TTLL9: variants seen among roughly 807,000 people sequenced by gnomAD.
TTLL9 encodes tubulin tyrosine ligase like 9, also known as probable tubulin polyglutamylase TTLL9.
A neutral mutation model predicts 65.6 loss-of-function variants in TTLL9; 47 were observed. That is an observed-to-expected ratio of 0.72 (90% CI 0.57 to 0.91). The LOEUF (loss-of-function observed/expected upper bound fraction) is 0.91, where lower values mean the gene tolerates loss of function less well. Ranked by LOEUF, TTLL9 falls within the 40% of genes least tolerant of loss-of-function variation. The pLI, the probability that TTLL9 is intolerant of heterozygous loss-of-function variation, is 0.00. For synonymous variants in TTLL9, 179 were observed against 204.8 expected (o/e 0.87, Z 1.07); for missense variants, 537 against 568.8 (o/e 0.94, Z 0.57).
At chr20:31,886,678 G>A (rs1275413842) in intron 2 of TTLL9, among the ~76,000 whole-genome samples, 1 of 152,168 alleles carries the variant, frequency 6.6e-6, no homozygotes, top group Non-Finnish European at 1.5e-5. Context: ...AATTGGCTGG[G>A]TGTGGTGGTG....
intron 2 of TTLL9, among the ~76,000 whole-genome samples, chr20:31,881,777 A>T (rs1281000335): frequency 6.6e-6 from 1 of 152,038 alleles, no homozygotes; most frequent in African/African-American, 2.4e-5. Flanking sequence ...ACAAACATCT[A>T]CTGAAATAGT....
chr20:31,920,291 C>T (rs1486775078), intron 7 of TTLL9, among the ~76,000 whole-genome samples: 1 of 152,106 alleles, frequency 6.6e-6, no homozygotes, highest in African/African-American at 2.4e-5. Context: ...GTGCCTGGCA[C>T]TCAGCGCTCG....
intron 4 of TTLL9, among the ~76,000 whole-genome samples, chr20:31,908,295 C>G (rs895341495): frequency 3.3e-5 from 5 of 152,180 alleles, no homozygotes; most frequent in Admixed American, 2.0e-4. Flanking sequence ...CGTGCCCTGT[C>G]TGAAGGGGTG....
rs1054834502 is a variant in TTLL9 at position 31,888,623 on chromosome 20, C to T, written c.113+1384C>T. Among the ~76,000 whole-genome samples the T allele has an allele frequency of 5.3e-5, 8 of 152,204 alleles. No individual in the cohort carries two copies. The East Asian group carries it at 1.5e-3, about 29-fold the overall frequency. On this transcript the variant is annotated intron_variant, in intron 3 of 14. Coordinates refer to ENST00000535842, the MANE Select transcript of TTLL9 (RefSeq NM_001008409.5). ...AGTAGCTGAAATTACAGGTGCCCGC[C>T]ACCACGCCTGGCTAATTGAGACTGA...
chr20:31,879,849 G>A lies in TTLL9; in HGVS notation c.70-7347G>A, dbSNP rs1182088542. Reference sequence around the variant, plus strand: ...CGCATAAGCACGCGAGGCGCGCGGTGGCGGTTTGGATCTGGCCCCTGGGGA... The same window carrying A: ...CGCATAAGCACGCGAGGCGCGCGGTAGCGGTTTGGATCTGGCCCCTGGGGA... On this transcript the variant is annotated intron_variant, in intron 2 of 14. Transcript: ENST00000535842. 1.9e-6 allele frequency: 3 copies of A among 1,550,168 alleles called. No individual in the cohort carries two copies. The South Asian group carries it at 3.6e-5, about 18-fold the overall frequency.
chr20:31,924,782 G>T (rs1317041556), intron 8 of TTLL9, among the ~76,000 whole-genome samples: 1 of 151,950 alleles, frequency 6.6e-6, no homozygotes, highest in Non-Finnish European at 1.5e-5. Flanking sequence ...TCACTATGTT[G>T]CTCAGGCTGG....
intron 7 of TTLL9, among the ~76,000 whole-genome samples, chr20:31,921,408 AGT>A (rs1253942965): frequency 6.6e-5 from 10 of 152,244 alleles, no homozygotes; most frequent in Non-Finnish European, 1.2e-4. Context: ...TGTGGAAGAC[AGT>A]GTGGTGATTC....
intron 4 of TTLL9, among the ~76,000 whole-genome samples, chr20:31,906,908 C>A (rs943265451): frequency 2.0e-5 from 3 of 152,164 alleles, no homozygotes; most frequent in African/African-American, 7.2e-5. Flanking sequence ...CCTTGGCCTC[C>A]CAAAATACTG....
Position 31,943,655 on chromosome 20 carries a change from G to C in TTLL9, c.*634G>C, listed in dbSNP as rs533076633. On this transcript the variant is annotated 3_prime_UTR_variant, in exon 15 of 15. Coordinates refer to ENST00000535842, the MANE Select transcript of TTLL9 (RefSeq NM_001008409.5). ...ATCATCTGAAAACCAGTGGGACAGG[G>C]CATCCCCATTTCTCAGATGGACAAG... The C allele has an allele frequency of 2.2e-6, 1 of 449,396 alleles. No individual in the cohort carries two copies. Among genetic ancestry groups the C allele is most frequent in the Non-Finnish European group, 4.5e-6 (1 of 222,036 alleles). 27.8% of individuals were successfully genotyped at this position (449,396 alleles called of 1,614,324 possible). A position where few individuals can be genotyped will look rare whatever the true frequency, so the allele number is the denominator to read the frequency against.
chr20:31,934,625 A>AGGGTCCTAGCAGGCC (rs1310574483), intron 11 of TTLL9, 67 bp from the exon 12 acceptor site: 1 of 1,402,532 alleles, frequency 7.1e-7, no homozygotes, highest in Non-Finnish European at 9.7e-7. Context: ...CAATTGTGTA[A>AGGGTCCTAGCAGGCC]GGGTCCTAGC....
At chr20:31,910,743 G>T (rs1294714106) in intron 6 of TTLL9, among the ~76,000 whole-genome samples, 1 of 152,194 alleles carries the variant, frequency 6.6e-6, no homozygotes, top group East Asian at 1.9e-4. Context: ...ATAATAATCA[G>T]AATTAGTATT....
intron 2 of TTLL9, among the ~76,000 whole-genome samples, chr20:31,873,786 A>C (rs6121252): frequency 3.1e-5 from 4 of 127,818 alleles, no homozygotes; most frequent in African/African-American, 8.9e-5. Flanking sequence ...AAGAAAGAAA[A>C]AGAAAGAAAG....
chr20:31,932,470 T>TAAAAAAAAAAAAAAAA (rs2064033915), intron 10 of TTLL9, among the ~76,000 whole-genome samples: 2 of 56,556 alleles, frequency 3.5e-5, no homozygotes, highest in Non-Finnish European at 3.4e-5. Context: ...AGACCCTGTC[T>TAAAAAAAAAAAAAAAA]CAAAAAAAAA....
chr20:31,877,561 T>G (rs1207777225), intron 2 of TTLL9, among the ~76,000 whole-genome samples: 1 of 152,256 alleles, frequency 6.6e-6, no homozygotes, highest in Non-Finnish European at 1.5e-5. Flanking sequence ...AACATGTATA[T>G]GTCTTAAATA....
At chr20:31,871,051 A>C in intron 1 of TTLL9, 71 bp from the exon 2 acceptor site, 1 of 1,429,308 alleles carries the variant, frequency 7.0e-7, no homozygotes, top group Middle Eastern at 1.8e-4. Context: ...CTGTTCACTC[A>C]TTCACTCGTC....
intron 13 of TTLL9, 69 bp from the exon 14 acceptor site, chr20:31,939,073 A>C (rs2064163541): frequency 1.4e-6 from 2 of 1,479,064 alleles, no homozygotes; most frequent in Non-Finnish European, 1.8e-6. Context: ...GAGATCAGGG[A>C]CCTCACTTGG....
chr20:31,907,931 C>A (rs1405382441), intron 4 of TTLL9, among the ~76,000 whole-genome samples: 1 of 152,108 alleles, frequency 6.6e-6, no homozygotes, highest in Non-Finnish European at 1.5e-5. Context: ...ACACCTCCTC[C>A]CCGCACCCCA....
At chr20:31,904,154 G>T (rs1441953049) in intron 4 of TTLL9, among the ~76,000 whole-genome samples, 2 of 152,180 alleles carry the variant, frequency 1.3e-5, no homozygotes, top group Non-Finnish European at 2.9e-5. Context: ...GGGGGTTTGT[G>T]ATGCTGATGT....
chr20:31,930,861 C>T (rs1156483041), intron 10 of TTLL9, among the ~76,000 whole-genome samples: 2 of 152,152 alleles, frequency 1.3e-5, no homozygotes, highest in Non-Finnish European at 2.9e-5. Flanking sequence ...AGGTTCCTCT[C>T]TAGAGACGGG....
Sources: gnomAD v4.1 joint callset for allele counts (sites outside exome capture counted in the v4.1 genomes callset) on GRCh38, gnomAD v4.1.1 for gene constraint, MANE v1.5 for transcripts, NCBI Gene and HGNC (gene_info 2026-07-23, HGNC 2026-07-21) for gene names.